SLC5A8: variants seen among roughly 807,000 people sequenced by gnomAD.
The protein encoded by SLC5A8 is solute carrier family 5 member 8.
SLC5A8 carries 55 observed loss-of-function variants against 71.9 expected under a neutral mutation model. The ratio of observed to expected loss-of-function variants is 0.77; its 90% CI spans 0.62 to 0.96. SLC5A8 has a LOEUF of 0.96. Among genes scored for constraint, SLC5A8 ranks in the 40% least tolerant of loss-of-function variants. The probability of loss-of-function intolerance (pLI) is 0.00; values close to 1 mark genes in which losing one functional copy is unlikely to be tolerated. For synonymous variants in SLC5A8, 307 were observed against 276.1 expected (o/e 1.11, Z -1.11); for missense variants, 701 against 745.3 (o/e 0.94, Z 0.69).
intron 13 of SLC5A8, among the ~76,000 whole-genome samples, chr12:101,158,629 T>C (rs1413000447): frequency 7.6e-6 from 1 of 131,846 alleles, no homozygotes; most frequent in East Asian, 2.3e-4. Flanking sequence ...TATATATATA[T>C]ATATGTATCA....
In SLC5A8 at chr12:101,166,708, C is replaced by T. The variant is rs2051775014; in HGVS notation, c.1321-9G>A. ...AGACCAACAAGTGCTCCCTGTAAAA[C>T]AAGAATGCCTTTAAAAGAAAAATAA... is the stretch of plus-strand genomic sequence containing the variant. On this transcript the variant is annotated splice_polypyrimidine_tract_variant and intron_variant, in intron 11 of 14. Transcript: ENST00000536262. 3.2e-6 allele frequency: 5 copies of T among 1,574,906 alleles called. No individual in the cohort carries two copies. Among genetic ancestry groups the T allele is most frequent in the Non-Finnish European group, 4.3e-6 (5 of 1,162,662 alleles).
At position 101,190,169 on chromosome 12, in the gene SLC5A8, G is replaced by C. The variant is rs1868833865; in HGVS notation, c.833+299C>G. ...ACTTGCATGTATTTTCCTAATTTGA[G>C]GTTAATTTTCTTCAGACAAAAGCCA... On this transcript the variant is annotated intron_variant, in intron 6 of 14. Transcript: ENST00000536262. Among the ~76,000 whole-genome samples the C allele has an allele frequency of 2.0e-5, 3 of 151,990 alleles. No individual in the cohort carries two copies. The South Asian group carries it at 6.2e-4, about 32-fold the overall frequency.
At chr12:101,191,346 CTT>C (rs1488667048) in intron 5 of SLC5A8, among the ~76,000 whole-genome samples, 1 of 152,124 alleles carries the variant, frequency 6.6e-6, no homozygotes, top group Non-Finnish European at 1.5e-5. Context: ...AGCTAGAAAA[CTT>C]TCTGCAAAGT....
At chr12:101,206,715 A>G (rs544578546) in intron 1 of SLC5A8, among the ~76,000 whole-genome samples, 1 of 152,356 alleles carries the variant, frequency 6.6e-6, no homozygotes, top group African/African-American at 2.4e-5. Context: ...CAGAACTTTG[A>G]ATTGCTTCTG....
intron 13 of SLC5A8, among the ~76,000 whole-genome samples, chr12:101,158,951 CAAAAAAAA>C (rs34838052): frequency 3.4e-5 from 4 of 116,668 alleles, no homozygotes; most frequent in Non-Finnish European, 7.6e-5. Context: ...GTTTTCTTTA[CAAAAAAAA>C]AAAAAAAAAT....
intron 7 of SLC5A8, among the ~76,000 whole-genome samples, chr12:101,185,101 G>A (rs1026738586): frequency 7.2e-5 from 11 of 152,110 alleles, no homozygotes; most frequent in African/African-American, 2.2e-4. Flanking sequence ...TAACAATAGT[G>A]TGCTCATGGG....
intron 10 of SLC5A8, 60 bp downstream of exon 10, chr12:101,179,969 A>G (rs990212440): frequency 2.4e-5 from 38 of 1,570,434 alleles, no homozygotes; most frequent in Middle Eastern, 1.7e-4. Flanking sequence ...GGATGGTCAC[A>G]TCAACATTGA....
chr12:101,199,457 T>A (rs1247722952), intron 3 of SLC5A8: 4 of 152,020 alleles, frequency 2.6e-5, no homozygotes, highest in Non-Finnish European at 5.9e-5. Context: ...TTTTGTGAAG[T>A]GTTCAAGTCT....
intron 9 of SLC5A8, among the ~76,000 whole-genome samples, chr12:101,182,402 CT>C (rs1868407587): frequency 6.6e-6 from 1 of 152,156 alleles, no homozygotes; most frequent in Non-Finnish European, 1.5e-5. Context: ...AAGTGTGGCT[CT>C]TGGTTACAAA....
At chr12:101,158,598 C>CTCTCTCTCTCTCTATATATATA (rs1411795424) in intron 13 of SLC5A8, among the ~76,000 whole-genome samples, 1 of 21,252 alleles carries the variant, frequency 4.7e-5, no homozygotes, top group African/African-American at 1.6e-4. Context: ...CTCTCTCTCT[C>CTCTCTCTCTCTCTATATATATA]TATATATATA....
intron 7 of SLC5A8, among the ~76,000 whole-genome samples, chr12:101,185,240 C>T (rs1868579070): frequency 6.6e-6 from 1 of 152,176 alleles, no homozygotes. Context: ...AACGGAATAG[C>T]ATTTATCCCT....
chr12:101,209,713 G>A lies in SLC5A8; in HGVS notation c.136C>T (p.Leu46=). The A allele has an allele frequency of 6.2e-7, 1 of 1,613,218 alleles. No individual in the cohort carries two copies. Among genetic ancestry groups the A allele is most frequent in the Admixed American group, 1.7e-5 (1 of 60,036 alleles). ...GGGQQTSKDF[L]MGGRRMTAVP... ...GCGGTCATTCTGCGGCCGCCCATCA[G>A]GAAGTCCTTGGAGGTCTGCTGGCCG... The change falls in exon 1 of 15, where the codon CTG becomes TTG. Residue 46 remains leucine, a synonymous_variant. Coordinates refer to ENST00000536262, the MANE Select transcript of SLC5A8 (RefSeq NM_145913.5).
rs147661046 is a variant in SLC5A8, at chr12:101,209,762, G to A, written c.87C>T (p.Gly29=). ...AGMLVISAAI[G]IYYAFAGGGQ... ...CGCCCCCAGCGAAGGCGTAGTAGAT[G>A]CCGATGGCGGCCGAGATGACCAGCA... The change falls in exon 1 of 15, where the codon GGC becomes GGT. Residue 29 remains glycine (G), a synonymous_variant. Coordinates refer to ENST00000536262, the MANE Select transcript of SLC5A8 (RefSeq NM_145913.5). 111 of 1,611,288 alleles carry A rather than the reference G, an allele frequency of 6.9e-5. No homozygotes were observed. In the African/African-American group the frequency reaches 1.3e-3, roughly 19 times the overall value.
At chr12:101,169,179 C>T (rs1214416386) in intron 10 of SLC5A8, among the ~76,000 whole-genome samples, 1 of 152,088 alleles carries the variant, frequency 6.6e-6, no homozygotes, top group Non-Finnish European at 1.5e-5. Context: ...ACCCACAAAG[C>T]AAGTGATGAC....
At chr12:101,204,440 G>A (rs1335402772) in intron 2 of SLC5A8, 60 bp downstream of exon 2, 2 of 1,410,696 alleles carry the variant, frequency 1.4e-6, no homozygotes, top group Non-Finnish European at 2.0e-6. Flanking sequence ...GCTTAATCCA[G>A]ATGCCATGGT....
chr12:101,176,979 AAAG>A (rs2051885189), intron 10 of SLC5A8, among the ~76,000 whole-genome samples: 1 of 152,146 alleles, frequency 6.6e-6, no homozygotes, highest in African/African-American at 2.4e-5. Context: ...TCAATGAAAA[AAAG>A]AAGCTGGTTC....
At chr12:101,185,787 A>G (rs1395080955) in intron 7 of SLC5A8, among the ~76,000 whole-genome samples, 2 of 152,168 alleles carry the variant, frequency 1.3e-5, no homozygotes, top group Non-Finnish European at 1.5e-5. Flanking sequence ...CATGTTGACC[A>G]GGCTGGTCTC....
chr12:101,187,525 T>C lies in SLC5A8; in HGVS notation c.834-10A>G. 1 of 1,591,846 alleles carries C rather than the reference T, an allele frequency of 6.3e-7. No individual in the cohort carries two copies. The highest frequency in any genetic ancestry group is 8.5e-7 in the Non-Finnish European group (1 of 1,171,860). ...ATTGATGTAGAGAGACCTAAAGAAG[T>C]GAAAACAAACCAGCAAAAGACAACT... is the stretch of plus-strand genomic sequence containing the variant. On this transcript the variant is annotated splice_polypyrimidine_tract_variant and intron_variant, in intron 6 of 14. Transcript: ENST00000536262.
chr12:101,160,012 T>A (rs1239366728), intron 13 of SLC5A8, among the ~76,000 whole-genome samples: 3 of 152,166 alleles, frequency 2.0e-5, no homozygotes, highest in Non-Finnish European at 4.4e-5. Flanking sequence ...TGAAACCCCA[T>A]CTCTATTAAA....
Sources: gnomAD v4.1 joint callset for allele counts (sites outside exome capture counted in the v4.1 genomes callset) on GRCh38, gnomAD v4.1.1 for gene constraint, MANE v1.5 for transcripts, NCBI Gene and HGNC (gene_info 2026-07-23, HGNC 2026-07-21) for gene names.